AGBL4: variants seen among roughly 807,000 people sequenced by gnomAD.
AGBL4 encodes the protein AGBL carboxypeptidase 4.
In AGBL4, 58 loss-of-function variants were observed where a neutral mutation model predicts 66.4. The observed-to-expected ratio is 0.87, with a 90% CI of 0.71 to 1.09. The LOEUF (loss-of-function observed/expected upper bound fraction) is 1.09. Among genes scored for constraint, AGBL4 ranks in the 50% least tolerant of loss-of-function variants. The pLI is 0.00. For synonymous variants in AGBL4, 234 were observed against 222.9 expected (o/e 1.05, Z -0.44); for missense variants, 579 against 631.0 (o/e 0.92, Z 0.88).
chr1:49,259,378 C>A (rs1283651797), intron 3 of AGBL4, among the ~76,000 whole-genome samples: 2 of 152,124 alleles, frequency 1.3e-5, no homozygotes, highest in African/African-American at 4.8e-5. Context: ...GATAAAGAGT[C>A]AAGACCCATC....
intron 3 of AGBL4, among the ~76,000 whole-genome samples, chr1:49,339,954 T>C (rs1645505771): frequency 1.3e-5 from 2 of 152,296 alleles, no homozygotes; most frequent in Admixed American, 1.3e-4. Context: ...TACCATATTC[T>C]CTTTTTGTGA....
intron 3 of AGBL4, among the ~76,000 whole-genome samples, chr1:49,569,329 C>CAATATAAT (rs1644280063): frequency 6.6e-6 from 1 of 151,984 alleles, no homozygotes; most frequent in African/African-American, 2.4e-5. Context: ...AACAAGGTGA[C>CAATATAAT]TATTGTCAAT....
At chr1:49,816,061 AT>A (rs895395433) in intron 2 of AGBL4, among the ~76,000 whole-genome samples, 2 of 151,750 alleles carry the variant, frequency 1.3e-5, no homozygotes, top group African/African-American at 2.4e-5. Flanking sequence ...CTGGCTATGT[AT>A]TTTTTTAAGA....
chr1:49,937,602 T>A (rs972906904), intron 1 of AGBL4, among the ~76,000 whole-genome samples: 3 of 152,220 alleles, frequency 2.0e-5, no homozygotes, highest in East Asian at 3.9e-4. Flanking sequence ...AAAGCACTCC[T>A]CAGCAAATGT....
intron 11 of AGBL4, among the ~76,000 whole-genome samples, chr1:48,552,966 C>T (rs973412140): frequency 6.6e-6 from 1 of 152,082 alleles, no homozygotes; most frequent in African/African-American, 2.4e-5. Context: ...CCTCAATACC[C>T]GAGATGCCTC....
At position 49,245,770 on chromosome 1, in the gene AGBL4, C is replaced by A. The variant is rs1370279151; in HGVS notation, c.377G>T (p.Trp126Leu). 2.6e-6 allele frequency: 4 copies of A among 1,547,752 alleles called. No individual in the cohort carries two copies. The highest frequency in any genetic ancestry group is 3.5e-6 in the Non-Finnish European group (4 of 1,144,126). Residue 126 changes from tryptophan (W) to leucine (L), a missense_variant and splice_region_variant, in exon 4 of 14, where the codon TGG becomes TTG. Trp to Leu is a moderately conservative substitution (Grantham distance 61). Coordinates refer to ENST00000371839, the MANE Select transcript of AGBL4 (RefSeq NM_032785.4). ...GGGTCCCATTCTGTAGATCACTTAC[C>A]ATTTTGGTCTGCTGGTAGATTTCAC... ...PMVKSTSRPK[W>L]QRLPPKNVYY...
At chr1:49,742,120 T>A (rs1292029580) in intron 2 of AGBL4, among the ~76,000 whole-genome samples, 1 of 152,200 alleles carries the variant, frequency 6.6e-6, no homozygotes, top group Admixed American at 6.5e-5. Context: ...TATCCCTGTT[T>A]GCAGATGACA....
intron 3 of AGBL4, among the ~76,000 whole-genome samples, chr1:49,493,950 C>G (rs964408545): frequency 1.3e-5 from 2 of 151,720 alleles, no homozygotes; most frequent in African/African-American, 4.8e-5. Flanking sequence ...TAACAACATC[C>G]CTCTGATGGC....
chr1:48,680,913 T>C (rs1164545282), intron 6 of AGBL4, among the ~76,000 whole-genome samples: 1 of 152,278 alleles, frequency 6.6e-6, no homozygotes, highest in Non-Finnish European at 1.5e-5. Context: ...AATGGGGCAA[T>C]GCTCTTCAAC....
intron 4 of AGBL4, among the ~76,000 whole-genome samples, chr1:49,194,800 G>A (rs1210076753): frequency 6.6e-6 from 1 of 151,138 alleles, no homozygotes; most frequent in African/African-American, 2.4e-5. Flanking sequence ...TTGTAAAGGA[G>A]TATGATCTTT....
At chr1:49,265,301 A>G (rs764179957) in intron 3 of AGBL4, among the ~76,000 whole-genome samples, 2 of 152,222 alleles carry the variant, frequency 1.3e-5, no homozygotes, top group Non-Finnish European at 2.9e-5. Flanking sequence ...GTCTGACAAC[A>G]TGTTCTAATC....
chr1:49,839,196 CA>C (rs1645927398), intron 2 of AGBL4, among the ~76,000 whole-genome samples: 1 of 152,004 alleles, frequency 6.6e-6, no homozygotes, highest in South Asian at 2.1e-4. Context: ...ACTGTTATAT[CA>C]AAATATAATT....
intron 2 of AGBL4, among the ~76,000 whole-genome samples, chr1:49,850,221 T>C (rs973809498): frequency 6.6e-6 from 1 of 152,168 alleles, no homozygotes. Context: ...AATTTGGATA[T>C]AGACATACAG....
intron 4 of AGBL4, among the ~76,000 whole-genome samples, chr1:49,236,491 G>A (rs1316972160): frequency 6.6e-6 from 1 of 152,112 alleles, no homozygotes; most frequent in African/African-American, 2.4e-5. Flanking sequence ...GGACATTTTT[G>A]TGGAGAGATG....
At chr1:49,177,515 C>T (rs1646853906) in intron 4 of AGBL4, among the ~76,000 whole-genome samples, 1 of 152,104 alleles carries the variant, frequency 6.6e-6, no homozygotes, top group South Asian at 2.1e-4. Context: ...AACTGAGGCC[C>T]ACAACAGCAA....
chr1:49,637,233 G>A lies in AGBL4; in HGVS notation c.282+60080C>T, dbSNP rs180898937. On this transcript the variant is annotated intron_variant, in intron 3 of 13. Coordinates refer to ENST00000371839, the MANE Select transcript of AGBL4 (RefSeq NM_032785.4). ...TCCTTTAAATATATATGTCTTATTAGTTCTGTTCCTTTAAAGAACCCTGAC... is the reference window on the plus strand; with the variant it reads ...TCCTTTAAATATATATGTCTTATTAATTCTGTTCCTTTAAAGAACCCTGAC... 3.3e-5 allele frequency among the ~76,000 whole-genome samples: 5 copies of A among 152,208 alleles called. 1 individual carries two copies. Among genetic ancestry groups the A allele is most frequent in the Admixed American group, 2.6e-4 (4 of 15,276 alleles).
intron 4 of AGBL4, among the ~76,000 whole-genome samples, chr1:49,184,487 C>T (rs375162738): frequency 2.6e-5 from 4 of 152,076 alleles, no homozygotes; most frequent in East Asian, 3.9e-4. Context: ...GGAAAAGTAC[C>T]GTCAACAGAT....
intron 3 of AGBL4, among the ~76,000 whole-genome samples, chr1:49,671,112 A>C (rs552051109): frequency 2.6e-5 from 4 of 152,224 alleles, no homozygotes; most frequent in Non-Finnish European, 5.9e-5. Flanking sequence ...TAGCCAAAAA[A>C]GCATGGTACT....
intron 4 of AGBL4, among the ~76,000 whole-genome samples, chr1:49,243,465 A>G (rs1045909254): frequency 6.6e-6 from 1 of 151,832 alleles, no homozygotes; most frequent in Non-Finnish European, 1.5e-5. Flanking sequence ...GGTGTAGGTA[A>G]CTGACTCAAA....
Sources: gnomAD v4.1 joint callset for allele counts (sites outside exome capture counted in the v4.1 genomes callset) on GRCh38, gnomAD v4.1.1 for gene constraint, MANE v1.5 for transcripts, NCBI Gene and HGNC (gene_info 2026-07-23, HGNC 2026-07-21) for gene names.